PLEKHJ1: variants seen among roughly 807,000 people sequenced by gnomAD.
PLEKHJ1 encodes the protein pleckstrin homology domain containing J1.
PLEKHJ1 carries 20 observed loss-of-function variants against 21.7 expected under a neutral mutation model. The observed-to-expected ratio is 0.92, with a 90% CI of 0.65 to 1.34. The LOEUF is 1.34. Among genes scored for constraint, PLEKHJ1 ranks in the 40% most tolerant of loss-of-function variants. PLEKHJ1 has a pLI of 0.00. For synonymous variants in PLEKHJ1, 113 were observed against 80.6 expected (o/e 1.40, Z -2.15); for missense variants, 241 against 202.0 (o/e 1.19, Z -1.17).
downstream of PLEKHJ1, chr19:2,231,996 G>C (rs551054552): frequency 4.3e-5 from 9 of 209,520 alleles, 1 homozygote; most frequent in South Asian, 9.4e-4. Context: ...ACACCCTCCT[G>C]TTCTGAGCCC....
rs112328902 is a variant in PLEKHJ1, at chr19:2,233,879, G to A, written c.411C>T (p.Ser137=). 11 of 1,612,322 alleles carry A rather than the reference G, an allele frequency of 6.8e-6. No individual in the cohort carries two copies. The highest frequency in any genetic ancestry group is 6.7e-5 in the African/African-American group (5 of 75,052). The change falls in exon 6 of 6, where the codon TCC becomes TCT. Residue 137 remains serine, a synonymous_variant. Transcript: ENST00000326631. ...GKDPLEQFGI[S]EEARFQLSGL... ...CACTCAGCTGGAACCTGGCCTCCTC[G>A]GATATGCCGAACTGTTCCAGGGGGT...
At chr19:2,235,645 G>A (rs897008232) in intron 3 of PLEKHJ1, 117 bp downstream of exon 3, 6 of 821,494 alleles carry the variant, frequency 7.3e-6, no homozygotes, top group South Asian at 1.7e-5. Flanking sequence ...TGTTTGAGGA[G>A]GGTGGCGCCA....
At chr19:2,232,670 G>A (rs905114248), downstream of PLEKHJ1, 16 of 180,082 alleles carry the variant, frequency 8.9e-5, no homozygotes, top group African/African-American at 2.1e-4. Context: ...TCGCCGAAAC[G>A]GGGAGTGGAG....
downstream of PLEKHJ1, chr19:2,230,262 C>T (rs2024541176): frequency 2.3e-6 from 1 of 427,380 alleles, no homozygotes; most frequent in Non-Finnish European, 4.1e-6. Flanking sequence ...CCGGCCGGCT[C>T]CCCCGACGCG....
downstream of PLEKHJ1, chr19:2,232,283 CTTAAT>C (rs1205077519): frequency 9.2e-6 from 2 of 216,818 alleles, no homozygotes; most frequent in Non-Finnish European, 1.9e-5. Flanking sequence ...AGACTTCCCC[CTTAAT>C]TTATCTGCCC....
chr19:2,236,242 A>G lies in PLEKHJ1; in HGVS notation c.7T>C (p.Tyr3His). Residue 3 changes from tyrosine (Y) to histidine (H), a missense_variant, in exon 1 of 6, where the codon TAC (tyrosine) becomes CAC (histidine). Transcript: ENST00000326631. The part of the protein sequence containing the change: MR[Y>H]NEKELQALSR... Reference sequence around the variant, plus strand: ...AGAGCCTGCAGCTCCTTCTCGTTGTACCGCATGGCTCCGCGGGGAACGGGA... The same window carrying G: ...AGAGCCTGCAGCTCCTTCTCGTTGTGCCGCATGGCTCCGCGGGGAACGGGA... 3 of 1,425,942 alleles carry G rather than the reference A, an allele frequency of 2.1e-6. No homozygotes were observed. The highest frequency in any genetic ancestry group is 2.7e-6 in the Non-Finnish European group (3 of 1,092,924). 88.3% of individuals were successfully genotyped at this position (1,425,942 alleles called of 1,614,324 possible).
In PLEKHJ1 at chr19:2,236,290, C is replaced by A. The variant is rs927006422; in HGVS notation, c.-42G>T. The A allele has an allele frequency of 1.6e-6, 2 of 1,249,196 alleles. No homozygotes were observed. Among genetic ancestry groups the A allele is most frequent in the Non-Finnish European group, 1.0e-6 (1 of 967,384 alleles). 77.4% of individuals were successfully genotyped at this position (1,249,196 alleles called of 1,614,324 possible). A position where few individuals can be genotyped will look rare whatever the true frequency, so the allele number is the denominator to read the frequency against. ...GGAACCCGGGCCGCGCCCTCCCGGC[C>A]GCCGTCCCCGCTCAGGCTGGGGCCG... On this transcript the variant is annotated 5_prime_UTR_variant, in exon 1 of 6. Coordinates refer to ENST00000326631, the MANE Select transcript of PLEKHJ1 (RefSeq NM_018049.3).
At position 2,235,961 on chromosome 19, in the gene PLEKHJ1, C is replaced by T. The variant is rs750877879; in HGVS notation, c.124G>A (p.Val42Met). Residue 42 changes from valine (V) to methionine (M), a missense_variant, in exon 2 of 6, where the codon GTG (valine) becomes ATG (methionine). By Grantham distance (21) the Val-to-Met change is conservative. Coordinates refer to ENST00000326631, the MANE Select transcript of PLEKHJ1 (RefSeq NM_018049.3). ...VLKRRLVKLV[V>M]NFLFYFRTDE... ...GTCCGAAAGTAGAAGAGGAAATTCACCACCAGCTTCACCAGCCGCCGCTTC... is the reference window on the plus strand; with the variant it reads ...GTCCGAAAGTAGAAGAGGAAATTCATCACCAGCTTCACCAGCCGCCGCTTC... 61 of 1,610,236 alleles carry T rather than the reference C, an allele frequency of 3.8e-5. 2 individuals carry two copies. The South Asian group carries it at 6.6e-4, about 17-fold the overall frequency.
At chr19:2,234,672 G>A in intron 3 of PLEKHJ1, 1 of 168,508 alleles carries the variant, frequency 5.9e-6, no homozygotes, top group Admixed American at 6.2e-5. Flanking sequence ...TCACGCCACT[G>A]CACTCCAGCC....
downstream of PLEKHJ1, chr19:2,230,346 T>C: frequency 2.4e-6 from 1 of 413,872 alleles, no homozygotes; most frequent in Non-Finnish European, 4.2e-6. Flanking sequence ...AGCCCCTTCC[T>C]GAGCGCCCTG....
intron 3 of PLEKHJ1, chr19:2,235,111 CAAG>C (rs2144994895): frequency 6.6e-6 from 1 of 152,292 alleles, no homozygotes; most frequent in Admixed American, 6.5e-5. Context: ...AGACGTGATG[CAAG>C]GAGGACAAGG....
chr19:2,236,214 G>C lies in PLEKHJ1; in HGVS notation c.35C>G (p.Ser12Cys). Residue 12 changes from serine to cysteine, a missense_variant, in exon 1 of 6, where the codon TCC becomes TGC. Ser to Cys is a moderately radical substitution (Grantham distance 112). Transcript: ENST00000326631. ...RYNEKELQALSRQPAEMAAEL... is the reference protein window; with the variant it reads ...RYNEKELQALCRQPAEMAAEL... ...GGCCGCCATCTCGGCCGGCTGCCGG[G>C]ACAGAGCCTGCAGCTCCTTCTCGTT... 2 of 1,473,356 alleles carry C rather than the reference G, an allele frequency of 1.4e-6. No homozygotes were observed. The highest frequency in any genetic ancestry group is 1.5e-5 in the African/African-American group (1 of 68,040). The allele number at this position is 1,473,356 out of a possible 1,614,324, so 91.3% of individuals were successfully genotyped here.
chr19:2,230,442 A>G (rs2024549797), downstream of PLEKHJ1: 2 of 399,858 alleles, frequency 5.0e-6, no homozygotes, highest in Admixed American at 4.4e-5. Context: ...GCGCCCTTGC[A>G]TGTGAAGGGG....
downstream of PLEKHJ1, chr19:2,230,976 C>T (rs2024572576): frequency 4.0e-6 from 1 of 249,352 alleles, no homozygotes; most frequent in East Asian, 5.9e-5. Flanking sequence ...TGAAACCTGG[C>T]CTCTCTGGCC....
chr19:2,230,679 T>A (rs2024562085), downstream of PLEKHJ1: 1 of 398,146 alleles, frequency 2.5e-6, no homozygotes, highest in Non-Finnish European at 4.4e-6. Flanking sequence ...AATTTATAAA[T>A]TTCATAGATT....
rs199874515 is a variant in PLEKHJ1, at chr19:2,233,901, G to A, written c.389C>T (p.Pro130Leu). 84 of 1,612,528 alleles carry A rather than the reference G, an allele frequency of 5.2e-5. No homozygotes were observed. Among genetic ancestry groups the A allele is most frequent in the Admixed American group, 1.8e-4 (11 of 60,000 alleles). The change falls in exon 6 of 6, where the codon CCC (proline) becomes CTC (leucine). Residue 130 changes from proline (P) to leucine (L), a missense_variant. Physicochemically the swap from Pro to Leu is moderately conservative, Grantham distance 98 (BLOSUM62 -3). Coordinates refer to ENST00000326631, the MANE Select transcript of PLEKHJ1 (RefSeq NM_018049.3). ...CTCGGATATGCCGAACTGTTCCAGG[G>A]GGTCCTGTGGGGAGGACGGGTGGCC... ...NEIRKVTGKD[P>L]LEQFGISEEA...
chr19:2,236,106 C>T (rs905654564), intron 1 of PLEKHJ1, 49 bp downstream of exon 1: 63 of 1,413,488 alleles, frequency 4.5e-5, no homozygotes, highest in Middle Eastern at 2.5e-4. Context: ...AGACCCCGGC[C>T]CCGGCCTCCC....
At chr19:2,231,489 TC>T, downstream of PLEKHJ1, 1 of 205,596 alleles carries the variant, frequency 4.9e-6, no homozygotes, top group Non-Finnish European at 9.9e-6. Flanking sequence ...GGGTGCTGCC[TC>T]CCCCAGCCCC....
At position 2,235,347 on chromosome 19, in the gene PLEKHJ1, G is replaced by A. The variant is rs553230995; in HGVS notation, c.229+415C>T. On this transcript the variant is annotated intron_variant, in intron 3 of 5. Transcript: ENST00000326631. ...AGGGACTCCATCTTTCCCCGCAGAA[G>A]GGAATCTCTTAAGACCCAGGAGAAC... 10 of 178,550 alleles carry A rather than the reference G, an allele frequency of 5.6e-5. No individual in the cohort carries two copies. The South Asian group carries it at 1.0e-3, about 18-fold the overall frequency. The allele number at this position is 178,550 out of a possible 1,614,324, so 11.1% of individuals were successfully genotyped here. A position where few individuals can be genotyped will look rare whatever the true frequency, so the allele number is the denominator to read the frequency against.
Sources: gnomAD v4.1 joint callset for allele counts on GRCh38, gnomAD v4.1.1 for gene constraint, MANE v1.5 for transcripts, NCBI Gene and HGNC (gene_info 2026-07-23, HGNC 2026-07-21) for gene names.